FNIP2: variants seen among roughly 807,000 people sequenced by gnomAD.
The protein encoded by FNIP2 is folliculin-interacting protein 2.
A neutral mutation model predicts 108.7 loss-of-function variants in FNIP2; 32 were observed. The observed-to-expected ratio is 0.29, with a 90% CI of 0.22 to 0.40. FNIP2 has a LOEUF of 0.40. Among genes scored for constraint, FNIP2 ranks in the 10% least tolerant of loss-of-function variants. The pLI is 1.00. For synonymous variants in FNIP2, 480 were observed against 496.7 expected (o/e 0.97, Z 0.45); for missense variants, 1,202 against 1,381.6 (o/e 0.87, Z 2.06).
At chr4:158,799,563 A>G (rs1025071021) in intron 1 of FNIP2, among the ~76,000 whole-genome samples, 1 of 152,208 alleles carries the variant, frequency 6.6e-6, no homozygotes, top group African/African-American at 2.4e-5. Context: ...AGATCTGTGA[A>G]TGATTGCTGA....
intron 2 of FNIP2, among the ~76,000 whole-genome samples, chr4:158,828,285 G>A (rs2126571940): frequency 6.6e-6 from 1 of 152,196 alleles, no homozygotes; most frequent in Admixed American, 6.5e-5. Context: ...TTTCCTTCCT[G>A]TTACCTTTAA....
intron 13 of FNIP2, 123 bp downstream of exon 13, chr4:158,869,551 A>G (rs987698784): frequency 7.7e-7 from 1 of 1,290,742 alleles, no homozygotes; most frequent in Middle Eastern, 2.6e-4. Flanking sequence ...TTTTTTCCAC[A>G]AAGTACTAGA....
intron 16 of FNIP2, among the ~76,000 whole-genome samples, chr4:158,897,004 C>A (rs1308365762): frequency 6.6e-6 from 1 of 151,770 alleles, no homozygotes; most frequent in African/African-American, 2.4e-5. Context: ...CAGCCCCCCA[C>A]CCGCCAAATA....
intron 1 of FNIP2, among the ~76,000 whole-genome samples, chr4:158,821,464 C>CTG (rs1190794354): frequency 6.6e-6 from 1 of 152,194 alleles, no homozygotes; most frequent in Non-Finnish European, 1.5e-5. Context: ...GCACCAGGAA[C>CTG]TGTGGTCAGT....
chr4:158,769,502 T>A (rs997895044), intron 1 of FNIP2, among the ~76,000 whole-genome samples, 183 bp downstream of exon 1: 50 of 152,234 alleles, frequency 3.3e-4, no homozygotes, highest in African/African-American at 1.2e-3. Context: ...GGACCCTCCG[T>A]GACCCTTCCT....
At chr4:158,837,435 G>A (rs1227430533) in intron 7 of FNIP2, among the ~76,000 whole-genome samples, 1 of 152,076 alleles carries the variant, frequency 6.6e-6, no homozygotes, top group Admixed American at 6.6e-5. Context: ...GGAATTTGAG[G>A]GACCTAACAA....
At chr4:158,829,547 A>G (rs1446699981) in intron 3 of FNIP2, among the ~76,000 whole-genome samples, 1 of 152,222 alleles carries the variant, frequency 6.6e-6, no homozygotes, top group African/African-American at 2.4e-5. Flanking sequence ...CAGTTTTGTT[A>G]TAAGAATTCC....
At chr4:158,787,457 C>G (rs1776260380) in intron 1 of FNIP2, among the ~76,000 whole-genome samples, 1 of 151,950 alleles carries the variant, frequency 6.6e-6, no homozygotes, top group Admixed American at 6.6e-5. Flanking sequence ...GTTTTATTTC[C>G]CAAAGCAGTT....
At chr4:158,892,754 G>A (rs1782365622) in intron 15 of FNIP2, among the ~76,000 whole-genome samples, 2 of 152,068 alleles carry the variant, frequency 1.3e-5, no homozygotes, top group Non-Finnish European at 2.9e-5. Context: ...TCTGCACAGC[G>A]CTGTTCTCTG....
intron 1 of FNIP2, among the ~76,000 whole-genome samples, chr4:158,783,045 T>C (rs1439355321): frequency 6.6e-6 from 1 of 152,234 alleles, no homozygotes. Flanking sequence ...TGCTCTTTAG[T>C]TTACTCCAGC....
chr4:158,869,832 C>G (rs929411110), intron 13 of FNIP2, among the ~76,000 whole-genome samples: 1 of 152,254 alleles, frequency 6.6e-6, no homozygotes, highest in Non-Finnish European at 1.5e-5. Context: ...CTCTCTCCTG[C>G]CGATCAGAGC....
At chr4:158,883,518 G>A (rs1001610478) in intron 14 of FNIP2, among the ~76,000 whole-genome samples, 1 of 152,346 alleles carries the variant, frequency 6.6e-6, no homozygotes. Context: ...TGGGATTACA[G>A]GCGTGAGCCA....
At position 158,829,054 on chromosome 4, in the gene FNIP2, ACCTTGCCTG is replaced by A; in HGVS notation, c.235-24_235-16del. The A allele has an allele frequency of 6.4e-7, 1 of 1,561,278 alleles. No homozygotes were observed. Among genetic ancestry groups the A allele is most frequent in the Non-Finnish European group, 8.7e-7 (1 of 1,149,560 alleles). ...AACCTGATATACTTAGTAATCTTTTACCTTGCCTGTCTCTCTTAACCTAGAAAACAGAGG... is the reference window on the plus strand; with the variant it reads ...AACCTGATATACTTAGTAATCTTTTATCTCTCTTAACCTAGAAAACAGAGG... On this transcript the variant is annotated splice_polypyrimidine_tract_variant and intron_variant, in intron 2 of 16. Transcript: ENST00000264433.
intron 1 of FNIP2, among the ~76,000 whole-genome samples, chr4:158,811,498 C>T (rs1777265929): frequency 6.6e-6 from 1 of 152,122 alleles, no homozygotes; most frequent in Non-Finnish European, 1.5e-5. Context: ...GCCTTAAAAT[C>T]AGTGTCTTTG....
chr4:158,844,469 G>A (rs1779293255), intron 7 of FNIP2, among the ~76,000 whole-genome samples: 2 of 152,190 alleles, frequency 1.3e-5, no homozygotes, highest in East Asian at 1.9e-4. Context: ...AGGTGATGTC[G>A]ACCACTGATT....
At chr4:158,848,074 A>G (rs1191073467) in intron 7 of FNIP2, among the ~76,000 whole-genome samples, 1 of 152,184 alleles carries the variant, frequency 6.6e-6, no homozygotes, top group African/African-American at 2.4e-5. Flanking sequence ...GCCACCTTTG[A>G]GGGAAGGACA....
chr4:158,807,258 G>A (rs1026684187), intron 1 of FNIP2, among the ~76,000 whole-genome samples: 2 of 152,166 alleles, frequency 1.3e-5, no homozygotes, highest in Non-Finnish European at 2.9e-5. Flanking sequence ...AACACTTTGG[G>A]AAGCTGAGGT....
At chr4:158,903,791 A>C (rs1043071211) in intron 16 of FNIP2, among the ~76,000 whole-genome samples, 6 of 152,350 alleles carry the variant, frequency 3.9e-5, no homozygotes, top group Admixed American at 2.0e-4. Context: ...ATAGTCCACA[A>C]ACTGAAACAG....
intron 14 of FNIP2, among the ~76,000 whole-genome samples, chr4:158,884,194 C>A (rs1280498152): frequency 1.3e-5 from 2 of 151,924 alleles, no homozygotes; most frequent in African/African-American, 4.8e-5. Context: ...TATAATATTG[C>A]CAGAAAATAA....
Sources: gnomAD v4.1 joint callset for allele counts (sites outside exome capture counted in the v4.1 genomes callset) on GRCh38, gnomAD v4.1.1 for gene constraint, MANE v1.5 for transcripts, NCBI Gene and HGNC (gene_info 2026-07-23, HGNC 2026-07-21) for gene names.